Variants in GOLGA4 observed in about 807,000 individuals in gnomAD.
GOLGA4 encodes golgin A4.
Under a neutral mutation model 265.9 loss-of-function variants are expected in GOLGA4, and 169 were observed. That is an observed-to-expected ratio of 0.64 (90% CI 0.56 to 0.72). The LOEUF is 0.72. GOLGA4 is among the 30% of genes least tolerant of loss of function. GOLGA4 has a pLI of 0.00. For missense variants in GOLGA4, 2,482 were observed against 2,483.4 expected, an observed-to-expected ratio of 1.00 and a Z score of 0.01; for synonymous variants, 923 against 855.8, an observed-to-expected ratio of 1.08 and a Z score of -1.37.
At chr3:37,352,145 A>G (rs893688763) in intron 21 of GOLGA4, among the ~76,000 whole-genome samples, 1 of 152,026 alleles carries the variant, frequency 6.6e-6, no homozygotes, top group Non-Finnish European at 1.5e-5. Flanking sequence ...TACTGCTTGT[A>G]TTAGTCCCTT....
At chr3:37,317,801 T>C (rs2096942150) in intron 11 of GOLGA4, among the ~76,000 whole-genome samples, 1 of 152,186 alleles carries the variant, frequency 6.6e-6, no homozygotes, top group South Asian at 2.1e-4. Flanking sequence ...TTTATGGATT[T>C]GTAGAAGCTC....
At chr3:37,358,155 A>G (rs1048030253) in intron 22 of GOLGA4, among the ~76,000 whole-genome samples, 9 of 152,180 alleles carry the variant, frequency 5.9e-5, no homozygotes, top group African/African-American at 1.9e-4. Flanking sequence ...CGTGCAGCCC[A>G]TGTTAGTTTT....
chr3:37,319,171 C>T lies in GOLGA4; in HGVS notation c.1522C>T (p.Gln508Ter). Residue 508 changes from glutamine (Q) to a stop codon, truncating the protein, a stop_gained, in exon 12 of 24, where the codon CAG (glutamine) becomes TAG (stop). Coordinates refer to ENST00000361924, the MANE Select transcript of GOLGA4 (RefSeq NM_002078.5). LOFTEE classifies it high-confidence loss of function. The stretch of plus-strand genomic sequence containing the variant: ...GCTTCAGACCCGAGAAAGGGAATTT[C>T]AGGAACAAATGAAAGTAGCTCTTGT... ...KKLQTREREF[Q>*]EQMKVALEKS... 6.2e-7 allele frequency: 1 copy of T among 1,608,124 alleles called. No homozygotes were observed. The highest frequency in any genetic ancestry group is 8.5e-7 in the Non-Finnish European group (1 of 1,177,338).
At chr3:37,254,273 TAAGAA>T (rs2096742075) in intron 2 of GOLGA4, among the ~76,000 whole-genome samples, 1 of 152,132 alleles carries the variant, frequency 6.6e-6, no homozygotes, top group Non-Finnish European at 1.5e-5. Flanking sequence ...AAATAATACT[TAAGAA>T]AATAAGATCT....
intron 2 of GOLGA4, among the ~76,000 whole-genome samples, chr3:37,278,209 T>C (rs1288744838): frequency 6.6e-6 from 1 of 151,684 alleles, no homozygotes; most frequent in Non-Finnish European, 1.5e-5. Context: ...CTTTTCTTTT[T>C]TTTTTTTGAG....
At chr3:37,336,573 C>CAACA (rs1330959805) in intron 17 of GOLGA4, among the ~76,000 whole-genome samples, 1 of 149,106 alleles carries the variant, frequency 6.7e-6, no homozygotes, top group Non-Finnish European at 1.5e-5. Context: ...CCAGCCTGAC[C>CAACA]AACATGGAGA....
At chr3:37,276,350 T>C in intron 2 of GOLGA4, 2 of 1,607,326 alleles carry the variant, frequency 1.2e-6, no homozygotes, top group Non-Finnish European at 1.7e-6. Context: ...TCCTGACTTA[T>C]TTGCTAGAAT....
intron 2 of GOLGA4, chr3:37,275,995 T>C: frequency 6.2e-7 from 1 of 1,613,356 alleles, no homozygotes; most frequent in East Asian, 2.2e-5. Flanking sequence ...AGAACAGCCC[T>C]GAGGCAAGAG....
intron 8 of GOLGA4, 27 bp downstream of exon 8, chr3:37,299,047 A>G (rs1048373789): frequency 4.6e-6 from 7 of 1,528,970 alleles, no homozygotes; most frequent in African/African-American, 1.4e-5. Flanking sequence ...GTTTTGTTCT[A>G]ATTTAATCTA....
chr3:37,312,502 CA>C (rs1294348894), intron 10 of GOLGA4, among the ~76,000 whole-genome samples: 1 of 151,224 alleles, frequency 6.6e-6, no homozygotes, highest in African/African-American at 2.4e-5. Context: ...AGGCAAATGC[CA>C]GTAAAGTTAG....
chr3:37,266,225 G>T (rs1277131125), intron 2 of GOLGA4, among the ~76,000 whole-genome samples: 4 of 151,416 alleles, frequency 2.6e-5, no homozygotes, highest in Admixed American at 1.3e-4. Context: ...GGAGTGCAAT[G>T]GTCTCACTCT....
In GOLGA4 at chr3:37,361,132, A is replaced by G. The variant is rs958219279; in HGVS notation, c.6664-111A>G. 3 of 846,630 alleles carry G rather than the reference A, an allele frequency of 3.5e-6. No homozygotes were observed. The African/African-American group carries it at 5.0e-5, about 14-fold the overall frequency. The allele number at this position is 846,630 out of a possible 1,614,324, so 52.4% of individuals were successfully genotyped here. On this transcript the variant is annotated intron_variant, in intron 22 of 23. Coordinates refer to ENST00000361924, the MANE Select transcript of GOLGA4 (RefSeq NM_002078.5). ...CCCTTGATTTGGGGAGATTTGAGAAAAATTTAAGTACAGTCTGTAATCCTA... is the reference window on the plus strand; with the variant it reads ...CCCTTGATTTGGGGAGATTTGAGAAGAATTTAAGTACAGTCTGTAATCCTA...
intron 2 of GOLGA4, among the ~76,000 whole-genome samples, chr3:37,265,382 T>C (rs1275491242): frequency 6.6e-6 from 1 of 152,222 alleles, no homozygotes; most frequent in Non-Finnish European, 1.5e-5. Context: ...GTACATACTT[T>C]AGAGAAAAAT....
At chr3:37,277,657 G>C (rs1182232439) in intron 2 of GOLGA4, among the ~76,000 whole-genome samples, 23 of 152,180 alleles carry the variant, frequency 1.5e-4, no homozygotes, top group South Asian at 2.1e-4. Flanking sequence ...GAATATATGG[G>C]CTATAGCAAG....
At chr3:37,262,804 C>T (rs1010468393) in intron 2 of GOLGA4, among the ~76,000 whole-genome samples, 7 of 151,962 alleles carry the variant, frequency 4.6e-5, no homozygotes, top group Middle Eastern at 3.4e-3. Context: ...CCAAAACCAC[C>T]GAGATTAAGG....
Position 37,325,284 on chromosome 3 carries a change from A to G in GOLGA4, c.3398A>G (p.Lys1133Arg), listed in dbSNP as rs2096966779. ...NSLAQDETKL[K>R]AHLEKLEVDL... The stretch of plus-strand genomic sequence containing the variant: ...CTTGCACAAGATGAAACTAAACTGA[A>G]AGCTCATCTTGAAAAGCTAGAGGTT... The change falls in exon 14 of 24, where the codon AAA (lysine) becomes AGA (arginine). Residue 1133 changes from lysine (K) to arginine (R), a missense_variant. Lys to Arg is a conservative substitution (Grantham distance 26, BLOSUM62 2). Coordinates refer to ENST00000361924, the MANE Select transcript of GOLGA4 (RefSeq NM_002078.5). The G allele has an allele frequency of 6.2e-7, 1 of 1,613,390 alleles. No individual in the cohort carries two copies. The highest frequency in any genetic ancestry group is 8.5e-7 in the Non-Finnish European group (1 of 1,179,744).
At chr3:37,256,829 A>T (rs1328161487) in intron 2 of GOLGA4, among the ~76,000 whole-genome samples, 5 of 152,016 alleles carry the variant, frequency 3.3e-5, no homozygotes, top group African/African-American at 1.2e-4. Flanking sequence ...TCCAGATTGG[A>T]CCTGGACTTT....
intron 2 of GOLGA4, among the ~76,000 whole-genome samples, chr3:37,262,071 A>G (rs1011825087): frequency 2.0e-5 from 3 of 152,250 alleles, no homozygotes; most frequent in Non-Finnish European, 4.4e-5. Flanking sequence ...GTAATACAAC[A>G]GTCTGGAAAT....
At chr3:37,298,739 A>T in intron 7 of GOLGA4, 94 bp from the exon 8 acceptor site, 5 of 796,924 alleles carry the variant, frequency 6.3e-6, no homozygotes, top group Non-Finnish European at 8.2e-6. Flanking sequence ...GGAGTCGGTT[A>T]GATTAGATCT....
Sources: allele counts gnomAD v4.1 joint callset (sites outside exome capture counted in the v4.1 genomes callset), GRCh38; gene constraint gnomAD v4.1.1; transcripts MANE v1.5; gene names NCBI Gene and HGNC (gene_info 2026-07-23, HGNC 2026-07-21).